LRCH1: variants seen among roughly 807,000 people sequenced by gnomAD.
LRCH1 encodes the protein leucine rich repeats and calponin homology domain containing 1.
Under a neutral mutation model 94.9 loss-of-function variants are expected in LRCH1, and 23 were observed. The ratio of observed to expected loss-of-function variants is 0.24; its 90% CI spans 0.17 to 0.34. LRCH1 has a LOEUF of 0.34. Ranked by LOEUF, LRCH1 falls within the 10% of genes least tolerant of loss-of-function variation. LRCH1 has a pLI of 1.00. For synonymous variants in LRCH1, 364 were observed against 354.9 expected, an observed-to-expected ratio of 1.03 and a Z score of -0.29; for missense variants, 790 against 945.9, an observed-to-expected ratio of 0.84 and a Z score of 2.16.
chr13:46,626,678 T>C (rs1174784365), intron 1 of LRCH1, among the ~76,000 whole-genome samples: 1 of 152,234 alleles, frequency 6.6e-6, no homozygotes, highest in Non-Finnish European at 1.5e-5. Flanking sequence ...AAAGCCTGTT[T>C]GGTGGTCTCC....
rs552159613 is a variant in LRCH1, at chr13:46,627,467, A to G, written c.308-22734A>G. On this transcript the variant is annotated intron_variant, in intron 1 of 19. Transcript: ENST00000389797. ...CAGATAAAAAAATGAGGCACAGATA[A>G]AAAAATCGAGAAGTTGAATGAATTA... 3.3e-3 allele frequency among the ~76,000 whole-genome samples: 146 copies of G among 43,856 alleles called. 1 individual carries two copies. In the East Asian group the frequency reaches 0.12, roughly 37 times the overall value. The allele number at this position is 43,856 out of a possible 152,430, so 28.8% of individuals were successfully genotyped here. A position where few individuals can be genotyped will look rare whatever the true frequency, so the allele number is the denominator to read the frequency against.
intron 2 of LRCH1, among the ~76,000 whole-genome samples, chr13:46,666,238 G>A (rs185289065): frequency 4.6e-5 from 7 of 152,240 alleles, no homozygotes; most frequent in Non-Finnish European, 1.0e-4. Context: ...AGTGTAAAAA[G>A]CATCCGTTCC....
chr13:46,752,399 C>T (rs1181271360), exon 19 of LRCH1: 2 of 152,242 alleles, frequency 1.3e-5, no homozygotes, highest in Non-Finnish European at 2.9e-5. Context: ...CCAACATCAA[C>T]CAAGGCAATG....
chr13:46,604,210 T>G (rs183932828), intron 1 of LRCH1, among the ~76,000 whole-genome samples: 11 of 152,348 alleles, frequency 7.2e-5, no homozygotes, highest in Admixed American at 5.2e-4. Context: ...AAAAGATTGT[T>G]AATTATCTGA....
chr13:46,720,652 G>T (rs1183523059), intron 16 of LRCH1, among the ~76,000 whole-genome samples: 1 of 152,086 alleles, frequency 6.6e-6, no homozygotes, highest in Admixed American at 6.5e-5. Flanking sequence ...TAATTCTTTT[G>T]TAGATCAATT....
At chr13:46,616,328 A>G (rs1032983380) in intron 1 of LRCH1, among the ~76,000 whole-genome samples, 3 of 152,208 alleles carry the variant, frequency 2.0e-5, no homozygotes, top group African/African-American at 7.2e-5. Flanking sequence ...CTACGGCGCC[A>G]TAAAAATAAC....
At chr13:46,556,767 G>T (rs2137891225) in intron 1 of LRCH1, among the ~76,000 whole-genome samples, 1 of 152,242 alleles carries the variant, frequency 6.6e-6, no homozygotes, top group Middle Eastern at 3.4e-3. Context: ...TCATCAAGCA[G>T]AGGGAAGGGG....
chr13:46,557,852 C>CA (rs2050082781), intron 1 of LRCH1, among the ~76,000 whole-genome samples: 1 of 151,912 alleles, frequency 6.6e-6, no homozygotes, highest in Non-Finnish European at 1.5e-5. Context: ...GAGAGAGACT[C>CA]CATCTCAAAA....
chr13:46,567,841 A>G (rs999495005), intron 1 of LRCH1, among the ~76,000 whole-genome samples: 1 of 152,084 alleles, frequency 6.6e-6, no homozygotes, highest in Admixed American at 6.6e-5. Context: ...CTCAATATGA[A>G]ATTTGCACCA....
chr13:46,732,285 T>G (rs990864026), intron 18 of LRCH1, among the ~76,000 whole-genome samples: 5 of 152,234 alleles, frequency 3.3e-5, no homozygotes, highest in African/African-American at 7.2e-5. Flanking sequence ...TTAGAGACTA[T>G]TCCTTAGAAA....
At chr13:46,687,807 T>C (rs1231855981) in intron 5 of LRCH1, 45 bp from the exon 6 acceptor site, 1 of 1,557,274 alleles carries the variant, frequency 6.4e-7, no homozygotes, top group African/African-American at 1.4e-5. Context: ...TACATTTTGT[T>C]TTGTCATTGA....
chr13:46,733,873 G>A (rs987939012), intron 18 of LRCH1, 48 bp from the exon 19 acceptor site: 4 of 1,136,764 alleles, frequency 3.5e-6, no homozygotes, highest in African/African-American at 3.2e-5. Flanking sequence ...TTATTAAAAT[G>A]GTTTCTCTTT....
intron 18 of LRCH1, among the ~76,000 whole-genome samples, chr13:46,731,156 G>A (rs1300896714): frequency 9.6e-6 from 1 of 104,096 alleles, no homozygotes; most frequent in African/African-American, 3.8e-5. Flanking sequence ...AAATTAAGTT[G>A]TTTTTTAATT....
chr13:46,553,742 T>C (rs1333277281), intron 1 of LRCH1, 39 bp downstream of exon 1: 9 of 1,594,372 alleles, frequency 5.6e-6, no homozygotes, highest in Non-Finnish European at 7.7e-6. Context: ...GTGTGGGTGC[T>C]GTCTGGGTGT....
chr13:46,629,661 A>G (rs1197272018), intron 1 of LRCH1, among the ~76,000 whole-genome samples: 1 of 152,226 alleles, frequency 6.6e-6, no homozygotes, highest in African/African-American at 2.4e-5. Context: ...GGAATGGGTC[A>G]GAAAGCCTGG....
intron 1 of LRCH1, among the ~76,000 whole-genome samples, chr13:46,565,311 A>G (rs1315742784): frequency 3.9e-5 from 6 of 152,180 alleles, no homozygotes; most frequent in Non-Finnish European, 5.9e-5. Context: ...GTGTGTGTAC[A>G]TGTTATTTAT....
At chr13:46,671,641 T>C (rs2051602563) in intron 3 of LRCH1, among the ~76,000 whole-genome samples, 1 of 152,276 alleles carries the variant, frequency 6.6e-6, no homozygotes. Flanking sequence ...GACGGTCATA[T>C]GCTGCTGCTT....
intron 1 of LRCH1, among the ~76,000 whole-genome samples, chr13:46,579,089 C>T (rs1407840560): frequency 6.6e-6 from 1 of 152,128 alleles, no homozygotes; most frequent in Non-Finnish European, 1.5e-5. Context: ...GCTGCATTCT[C>T]AAGAATTTGT....
intron 1 of LRCH1, among the ~76,000 whole-genome samples, chr13:46,566,073 T>C (rs2050180707): frequency 6.6e-6 from 1 of 151,974 alleles, no homozygotes; most frequent in Non-Finnish European, 1.5e-5. Flanking sequence ...GGGGTGCCTG[T>C]CTTCAGTCTC....
Sources: allele counts gnomAD v4.1 joint callset (sites outside exome capture counted in the v4.1 genomes callset), GRCh38; gene constraint gnomAD v4.1.1; transcripts MANE v1.5; gene names NCBI Gene and HGNC (gene_info 2026-07-23, HGNC 2026-07-21).